Variants in OLFML2B observed in about 807,000 individuals in gnomAD.
The protein encoded by OLFML2B is olfactomedin like 2B, also known as olfactomedin-like protein 2B.
In OLFML2B, 57 loss-of-function variants were observed where a neutral mutation model predicts 74.9. That is an observed-to-expected ratio of 0.76 (90% CI 0.61 to 0.95). The LOEUF (loss-of-function observed/expected upper bound fraction) is 0.95, where lower values mean the gene tolerates loss of function less well. OLFML2B is among the 40% of genes least tolerant of loss of function. OLFML2B has a pLI of 0.00. For missense variants in OLFML2B, 986 were observed against 970.6 expected, an observed-to-expected ratio of 1.02 and a Z score of -0.21; for synonymous variants, 388 against 405.8, an observed-to-expected ratio of 0.96 and a Z score of 0.53.
At chr1:161,987,764 G>A (rs1689630382) in intron 6 of OLFML2B, among the ~76,000 whole-genome samples, 1 of 152,198 alleles carries the variant, frequency 6.6e-6, no homozygotes, top group Admixed American at 6.5e-5. Flanking sequence ...ATTTCTGCAG[G>A]AAGAGGGGAG....
At chr1:162,013,259 C>G (rs1690444149) in intron 3 of OLFML2B, among the ~76,000 whole-genome samples, 1 of 152,220 alleles carries the variant, frequency 6.6e-6, no homozygotes. Context: ...CTTCCCCTTC[C>G]CAGCCACTCA....
chr1:161,984,671 A>C, intron 7 of OLFML2B, 133 bp downstream of exon 7: 1 of 932,080 alleles, frequency 1.1e-6, no homozygotes, highest in Non-Finnish European at 1.7e-6. Context: ...TCTCCAAGGA[A>C]AGGTCCTTTA....
intron 1 of OLFML2B, among the ~76,000 whole-genome samples, chr1:162,022,344 G>T (rs1038608861): frequency 7.1e-6 from 1 of 141,364 alleles, no homozygotes; most frequent in Non-Finnish European, 1.5e-5. Flanking sequence ...TCCACCTCCC[G>T]GGTTCAAGCG....
chr1:161,993,244 A>T (rs1382106484), intron 6 of OLFML2B, among the ~76,000 whole-genome samples: 1 of 152,150 alleles, frequency 6.6e-6, no homozygotes, highest in Non-Finnish European at 1.5e-5. Flanking sequence ...TTCTCACTGC[A>T]GTGCTACCTT....
chr1:161,998,384 G>A, intron 5 of OLFML2B, 35 bp from the exon 6 acceptor site: 1 of 1,526,992 alleles, frequency 6.5e-7, no homozygotes, highest in South Asian at 1.3e-5. Context: ...TGTGGCACGG[G>A]AAAGAAACAA....
chr1:162,013,544 T>C (rs1690451671), intron 3 of OLFML2B, among the ~76,000 whole-genome samples: 1 of 152,200 alleles, frequency 6.6e-6, no homozygotes, highest in South Asian at 2.1e-4. Flanking sequence ...TGTAAACTTA[T>C]ACTACCACTT....
Position 162,000,142 on chromosome 1 carries a change from G to A in OLFML2B, c.920C>T (p.Ser307Phe), listed in dbSNP as rs749354565. The change falls in exon 5 of 8, where the codon TCT becomes TTT. Residue 307 changes from serine to phenylalanine, a missense_variant. Physicochemically the swap from Ser to Phe is radical, Grantham distance 155. Transcript: ENST00000294794. ...RGITYYKAKV[S>F]EEENDIEEQQ... ...CTCTTCAATGTCATTCTCTTCTTCA[G>A]AGACCTTGGCTTTATAGTAGGTGAT... 6.8e-6 allele frequency: 11 copies of A among 1,606,278 alleles called. No individual in the cohort carries two copies. The South Asian group carries it at 1.2e-4, about 18-fold the overall frequency.
At chr1:161,991,597 G>A (rs762702028) in intron 6 of OLFML2B, among the ~76,000 whole-genome samples, 3 of 152,180 alleles carry the variant, frequency 2.0e-5, no homozygotes, top group African/African-American at 4.8e-5. Context: ...TTAGCTGGGC[G>A]TGGTAGCATG....
intron 6 of OLFML2B, among the ~76,000 whole-genome samples, chr1:161,986,189 G>A (rs928625002): frequency 6.6e-6 from 1 of 152,104 alleles, no homozygotes; most frequent in East Asian, 1.9e-4. Context: ...CCATCATGAC[G>A]ACACTGATGG....
intron 6 of OLFML2B, among the ~76,000 whole-genome samples, chr1:161,997,393 C>T (rs1398075343): frequency 1.3e-5 from 2 of 152,192 alleles, no homozygotes; most frequent in Non-Finnish European, 2.9e-5. Flanking sequence ...CCCAGCTATT[C>T]CCCTGCTCTC....
chr1:162,001,488 A>G (rs1690077780), intron 4 of OLFML2B, among the ~76,000 whole-genome samples: 1 of 152,182 alleles, frequency 6.6e-6, no homozygotes, highest in South Asian at 2.1e-4. Context: ...TGTGATCATG[A>G]GGGGATTTTG....
At chr1:161,984,311 G>A (rs1253731444) in intron 7 of OLFML2B, 35 bp from the exon 8 acceptor site, 1 of 1,512,666 alleles carries the variant, frequency 6.6e-7, no homozygotes, top group African/African-American at 1.4e-5. Flanking sequence ...GCTTCAGAGT[G>A]GCATGGCAGA....
intron 3 of OLFML2B, among the ~76,000 whole-genome samples, chr1:162,016,449 C>G (rs1690538807): frequency 6.6e-6 from 1 of 152,210 alleles, no homozygotes; most frequent in Non-Finnish European, 1.5e-5. Flanking sequence ...TGATAGCCCC[C>G]CAAAAGTCCA....
At chr1:161,986,062 G>A (rs1007438999) in intron 6 of OLFML2B, among the ~76,000 whole-genome samples, 2 of 152,216 alleles carry the variant, frequency 1.3e-5, no homozygotes. Context: ...GTGGATTATG[G>A]AGGAGGTGGG....
At chr1:162,018,330 C>G (rs748623298) in intron 2 of OLFML2B, among the ~76,000 whole-genome samples, 5 of 152,202 alleles carry the variant, frequency 3.3e-5, no homozygotes, top group Non-Finnish European at 5.9e-5. Flanking sequence ...CTGTATCCTT[C>G]ATCTCTGTTT....
intron 2 of OLFML2B, among the ~76,000 whole-genome samples, chr1:162,019,553 A>T (rs1690638455): frequency 1.3e-5 from 2 of 152,182 alleles, no homozygotes; most frequent in Admixed American, 1.3e-4. Flanking sequence ...CTAAGGGCCA[A>T]AGCCTTACTC....
At chr1:162,016,839 G>C (rs1216812224) in intron 3 of OLFML2B, among the ~76,000 whole-genome samples, 4 of 152,182 alleles carry the variant, frequency 2.6e-5, no homozygotes, top group Non-Finnish European at 1.5e-5. Flanking sequence ...AGTCAGAATA[G>C]TATGGTGTCT....
At chr1:162,009,381 G>A (rs868039407) in intron 3 of OLFML2B, among the ~76,000 whole-genome samples, 6 of 152,116 alleles carry the variant, frequency 3.9e-5, no homozygotes, top group East Asian at 3.9e-4. Context: ...ATTATTTGAC[G>A]GAAGATCTCA....
At chr1:162,000,080 G>C in intron 5 of OLFML2B, 33 bp downstream of exon 5, 2 of 1,519,490 alleles carry the variant, frequency 1.3e-6, no homozygotes, top group Non-Finnish European at 1.8e-6. Context: ...TCCCTACCCT[G>C]CCTCTGGGGC....
Sources: allele counts gnomAD v4.1 joint callset (sites outside exome capture counted in the v4.1 genomes callset), GRCh38; gene constraint gnomAD v4.1.1; transcripts MANE v1.5; gene names NCBI Gene and HGNC (gene_info 2026-07-23, HGNC 2026-07-21).